The following HABP2 variants were observed in gnomAD, a reference collection of about 807,000 sequenced individuals.
The protein encoded by HABP2 is hyaluronan binding protein 2, also known as factor VII-activating protease.
HABP2 carries 65 observed loss-of-function variants against 66.5 expected under a neutral mutation model. The ratio of observed to expected loss-of-function variants is 0.98; its 90% confidence interval spans 0.80 to 1.20. The LOEUF (loss-of-function observed/expected upper bound fraction) is 1.20. Among genes scored for constraint, HABP2 ranks in the 50% most tolerant of loss-of-function variants. The pLI, the probability that HABP2 is intolerant of heterozygous loss-of-function variation, is 0.00. For missense variants in HABP2, 786 were observed against 691.0 expected, an observed-to-expected ratio of 1.14 and a Z score of -1.54; for synonymous variants, 263 against 253.9, an observed-to-expected ratio of 1.04 and a Z score of -0.34.
At chr10:113,572,904 AAT>A (rs1249839291) in intron 2 of HABP2, among the ~76,000 whole-genome samples, 4 of 152,222 alleles carry the variant, frequency 2.6e-5, no homozygotes, top group Non-Finnish European at 5.9e-5. Flanking sequence ...TTTAATGGGA[AAT>A]ATAAAACAGC....
chr10:113,582,280 G>A (rs912233846), intron 9 of HABP2, 149 bp downstream of exon 9: 6 of 664,712 alleles, frequency 9.0e-6, no homozygotes, highest in Admixed American at 3.6e-5. Flanking sequence ...AAGCCAGAGG[G>A]AAAATAGCTA....
chr10:113,580,581 G>T lies in HABP2; in HGVS notation c.741-14G>T. The T allele has an allele frequency of 5.7e-6, 8 of 1,399,018 alleles. No individual in the cohort carries two copies. The highest frequency in any genetic ancestry group is 7.1e-6 in the Non-Finnish European group (7 of 983,644). 86.7% of individuals were successfully genotyped at this position (1,399,018 alleles called of 1,614,324 possible). A position where few individuals can be genotyped will look rare whatever the true frequency, so the allele number is the denominator to read the frequency against. ...TCAAGCCTTGACTCTGAGTTGTTTT[G>T]TTTTGTATTTTAGAAACCCAGATGC... On this transcript the variant is annotated splice_polypyrimidine_tract_variant and intron_variant, in intron 7 of 12. Transcript: ENST00000351270.
intron 1 of HABP2, among the ~76,000 whole-genome samples, chr10:113,564,935 C>G (rs1346808368): frequency 6.6e-6 from 1 of 152,188 alleles, no homozygotes; most frequent in African/African-American, 2.4e-5. Flanking sequence ...CAAGCTCTGC[C>G]TCCTGGGCTC....
chr10:113,573,161 C>T (rs1845344776), intron 2 of HABP2, among the ~76,000 whole-genome samples: 1 of 152,198 alleles, frequency 6.6e-6, no homozygotes, highest in Non-Finnish European at 1.5e-5. Flanking sequence ...CATACTCCAG[C>T]CGGCTGGAGA....
At chr10:113,565,616 AG>A (rs1195086926) in intron 1 of HABP2, among the ~76,000 whole-genome samples, 1 of 152,232 alleles carries the variant, frequency 6.6e-6, no homozygotes, top group Non-Finnish European at 1.5e-5. Context: ...CCCAACATTG[AG>A]GCCCCACCTC....
chr10:113,566,829 T>C (rs1262299998), intron 1 of HABP2, among the ~76,000 whole-genome samples: 1 of 152,186 alleles, frequency 6.6e-6, no homozygotes, highest in African/African-American at 2.4e-5. Context: ...GGAATTTATC[T>C]TGCGCCATTT....
intron 3 of HABP2, among the ~76,000 whole-genome samples, chr10:113,575,168 G>A (rs531849216): frequency 1.3e-5 from 2 of 152,284 alleles, no homozygotes; most frequent in Non-Finnish European, 1.5e-5. Context: ...CAGGGCATGG[G>A]GGAACATCAG....
intron 1 of HABP2, among the ~76,000 whole-genome samples, chr10:113,560,748 G>C (rs1457086660): frequency 1.3e-5 from 2 of 152,224 alleles, no homozygotes; most frequent in Non-Finnish European, 2.9e-5. Flanking sequence ...ACGATGCACA[G>C]TGAAATAAAG....
In HABP2 at chr10:113,567,407, A is replaced by C. The variant is rs368240230; in HGVS notation, c.70-82A>C. 96 of 1,057,332 alleles carry C rather than the reference A, an allele frequency of 9.1e-5. No homozygotes were observed. In the African/African-American group the frequency reaches 1.3e-3, roughly 14 times the overall value. 65.5% of individuals were successfully genotyped at this position (1,057,332 alleles called of 1,614,324 possible). ...ACGCAGTGCACCTGCACCCCATACG[A>C]TCTCCTCTGGCTGACAGCTAAGGAG... On this transcript the variant is annotated intron_variant, in intron 1 of 12. Coordinates refer to ENST00000351270, the MANE Select transcript of HABP2 (RefSeq NM_004132.5).
intron 1 of HABP2, among the ~76,000 whole-genome samples, chr10:113,564,552 T>C (rs1010534430): frequency 1.3e-5 from 2 of 152,028 alleles, no homozygotes; most frequent in African/African-American, 4.8e-5. Context: ...GGGGAGGTGG[T>C]TAGCCAGGAA....
At chr10:113,565,270 G>A (rs1845177679) in intron 1 of HABP2, among the ~76,000 whole-genome samples, 1 of 152,176 alleles carries the variant, frequency 6.6e-6, no homozygotes. Context: ...ACTTGTTTCA[G>A]TATCTTAGTC....
intron 9 of HABP2, among the ~76,000 whole-genome samples, chr10:113,583,006 G>A (rs1845568986): frequency 6.6e-6 from 1 of 152,174 alleles, no homozygotes. Flanking sequence ...ATGAGAAGTG[G>A]GTAAAAGTTA....
In HABP2 at chr10:113,554,437, G is replaced by A. The variant is rs147697956; in HGVS notation, c.69+1247G>A. 7.9e-5 allele frequency among the ~76,000 whole-genome samples: 12 copies of A among 152,198 alleles called. No homozygotes were observed. The East Asian group carries it at 9.7e-4, about 12-fold the overall frequency. ...AACAATAGCTTCTCCTTTCTTTTCC[G>A]TCAACTGTGCTCAGACACCTATCTT... On this transcript the variant is annotated intron_variant, in intron 1 of 12. Coordinates refer to ENST00000351270, the MANE Select transcript of HABP2 (RefSeq NM_004132.5).
chr10:113,575,302 C>A (rs1845388520), intron 3 of HABP2, among the ~76,000 whole-genome samples: 1 of 152,294 alleles, frequency 6.6e-6, no homozygotes, highest in Non-Finnish European at 1.5e-5. Context: ...CATGAAAAGC[C>A]ACAGGCACAG....
At chr10:113,562,093 C>A (rs1260081220) in intron 1 of HABP2, among the ~76,000 whole-genome samples, 1 of 152,142 alleles carries the variant, frequency 6.6e-6, no homozygotes. Flanking sequence ...TGAGAAAGCC[C>A]AAGTGCGGAG....
At chr10:113,582,523 G>A (rs555418620) in intron 9 of HABP2, among the ~76,000 whole-genome samples, 11 of 152,248 alleles carry the variant, frequency 7.2e-5, no homozygotes, top group Non-Finnish European at 1.3e-4. Flanking sequence ...CTTGAATCCC[G>A]GGATTCTTCC....
intron 11 of HABP2, 74 bp from the exon 12 acceptor site, chr10:113,585,719 A>G (rs963085699): frequency 8.9e-6 from 10 of 1,128,322 alleles, no homozygotes; most frequent in Middle Eastern, 2.3e-4. Context: ...CTCCCTGACA[A>G]TCTGGTTTCT....
chr10:113,581,862 C>G lies in HABP2; in HGVS notation c.839-14C>G. On this transcript the variant is annotated splice_polypyrimidine_tract_variant and intron_variant, in intron 8 of 12. Coordinates refer to ENST00000351270, the MANE Select transcript of HABP2 (RefSeq NM_004132.5). ...AGGCTGAATAGCACAATTTATCTTT[C>G]TTGTGTCCCACAGACGTTGCCTACC... 1 of 1,613,650 alleles carries G rather than the reference C, an allele frequency of 6.2e-7. No homozygotes were observed. The highest frequency in any genetic ancestry group is 8.5e-7 in the Non-Finnish European group (1 of 1,179,766).
At chr10:113,559,683 C>T (rs1269715416) in intron 1 of HABP2, among the ~76,000 whole-genome samples, 2 of 152,202 alleles carry the variant, frequency 1.3e-5, no homozygotes, top group African/African-American at 4.8e-5. Flanking sequence ...AATTCTTATG[C>T]ACATTGAGGT....
Sources: gnomAD v4.1 joint callset for allele counts (sites outside exome capture counted in the v4.1 genomes callset) on GRCh38, gnomAD v4.1.1 for gene constraint, MANE v1.5 for transcripts, NCBI Gene and HGNC (gene_info 2026-07-23, HGNC 2026-07-21) for gene names.